Variants in SLC25A21 observed in about 807,000 individuals in gnomAD.
SLC25A21 encodes mitochondrial 2-oxodicarboxylate carrier.
In SLC25A21, 47 loss-of-function variants were observed where a neutral mutation model predicts 43.8. The observed-to-expected ratio is 1.07, with a 90% CI of 0.85 to 1.37. The LOEUF is 1.37. SLC25A21 is among the 40% of genes most tolerant of loss of function. SLC25A21 has a pLI of 0.00. For synonymous variants in SLC25A21, 131 were observed against 121.3 expected (o/e 1.08, Z -0.52); for missense variants, 352 against 350.2 (o/e 1.00, Z -0.04).
chr14:36,789,702 T>TATTTTATATATTTATATATAATAC (rs1181016293), intron 3 of SLC25A21, among the ~76,000 whole-genome samples: 3 of 135,900 alleles, frequency 2.2e-5, no homozygotes, highest in East Asian at 4.0e-4. Flanking sequence ...CACACATATA[T>TATTTTATATATTTATATATAATAC]ATTTTATATA....
intron 1 of SLC25A21, among the ~76,000 whole-genome samples, chr14:36,968,009 A>G (rs1477028483): frequency 6.6e-6 from 1 of 152,228 alleles, no homozygotes. Flanking sequence ...GTTGGGTTAC[A>G]GGCTGAGACT....
rs565895058 is a variant in SLC25A21 at position 36,755,658 on chromosome 14, T to TA, written c.204-21086dup. On this transcript the variant is annotated intron_variant, in intron 3 of 9. Transcript: ENST00000331299. The stretch of plus-strand genomic sequence containing the variant: ...TGACCACTCATTTTCTTCTGGAAAT[T>TA]AAAAAAAATCTATATATATCAAATA... Among the ~76,000 whole-genome samples the TA allele has an allele frequency of 7.2e-5, 11 of 152,236 alleles. No homozygotes were observed. The East Asian group carries it at 9.6e-4, about 13-fold the overall frequency.
At chr14:37,038,643 T>C (rs1225316855) in intron 1 of SLC25A21, among the ~76,000 whole-genome samples, 2 of 152,150 alleles carry the variant, frequency 1.3e-5, no homozygotes, top group East Asian at 1.9e-4. Flanking sequence ...CAGAAGAACA[T>C]TGTTGGGAGG....
At position 36,959,490 on chromosome 14, in the gene SLC25A21, G is replaced by A. The variant is rs538214770; in HGVS notation, c.71-84486C>T. Among the ~76,000 whole-genome samples, 179 of 152,216 alleles carry A rather than the reference G, an allele frequency of 1.2e-3. 1 individual carries two copies. Among genetic ancestry groups the A allele is most frequent in the South Asian group, 2.9e-3 (14 of 4,818 alleles). On this transcript the variant is annotated intron_variant, in intron 1 of 9. Transcript: ENST00000331299. The stretch of plus-strand genomic sequence containing the variant: ...AAATCCGCAAACCTGAGCATGCCCA[G>A]TCCTTGCCCACATTTTCCAGGGCCT...
chr14:36,965,379 T>C (rs1340366039), intron 1 of SLC25A21, among the ~76,000 whole-genome samples: 1 of 152,156 alleles, frequency 6.6e-6, no homozygotes, highest in Non-Finnish European at 1.5e-5. Flanking sequence ...TCAGTGAATC[T>C]TGGTTATAAT....
intron 3 of SLC25A21, among the ~76,000 whole-genome samples, chr14:36,785,978 C>CA (rs1417822726): frequency 1.3e-5 from 2 of 152,082 alleles, no homozygotes; most frequent in African/African-American, 2.4e-5. Flanking sequence ...TTGATAGAAA[C>CA]AAAAAATATG....
intron 1 of SLC25A21, among the ~76,000 whole-genome samples, chr14:37,157,143 GGCCAGGAGTTTGAGACCA>G (rs1455314805): frequency 3.2e-4 from 48 of 152,192 alleles, no homozygotes; most frequent in African/African-American, 1.1e-3. Flanking sequence ...GATTGCTTGG[GGCCAGGAGTTTGAGACCA>G]GCCTGGCCAA....
intron 1 of SLC25A21, among the ~76,000 whole-genome samples, chr14:37,067,826 A>T (rs1247718646): frequency 6.6e-6 from 1 of 152,234 alleles, no homozygotes; most frequent in African/African-American, 2.4e-5. Flanking sequence ...TGAAAATATT[A>T]TGTATATTAT....
chr14:36,879,656 C>A (rs563362927), intron 1 of SLC25A21, among the ~76,000 whole-genome samples: 2 of 152,052 alleles, frequency 1.3e-5, no homozygotes, highest in Non-Finnish European at 2.9e-5. Context: ...TTCGCCTGAG[C>A]CAATATTGGG....
chr14:37,102,981 C>A (rs1198441609), intron 1 of SLC25A21, among the ~76,000 whole-genome samples: 2 of 148,792 alleles, frequency 1.3e-5, no homozygotes, highest in African/African-American at 5.1e-5. Flanking sequence ...CAGAGTGAGA[C>A]TGTGTCTCAA....
intron 2 of SLC25A21, among the ~76,000 whole-genome samples, chr14:36,844,262 C>T (rs1043126978): frequency 2.6e-5 from 4 of 152,186 alleles, no homozygotes; most frequent in East Asian, 1.9e-4. Flanking sequence ...AGAACACATC[C>T]TACCTAATTT....
rs559476817 is a variant in SLC25A21 at position 36,907,321 on chromosome 14, G to A, written c.71-32317C>T. 4.7e-4 allele frequency among the ~76,000 whole-genome samples: 71 copies of A among 152,232 alleles called. 1 individual carries two copies. In the South Asian group the frequency reaches 0.014, roughly 30 times the overall value. On this transcript the variant is annotated intron_variant, in intron 1 of 9. Coordinates refer to ENST00000331299, the MANE Select transcript of SLC25A21 (RefSeq NM_030631.4). ...ATCTGAGAAGAGGCTATGAAGTAAAGAGCATATATTTTTGGCTTGTTTGTT... is the reference window on the plus strand; with the variant it reads ...ATCTGAGAAGAGGCTATGAAGTAAAAAGCATATATTTTTGGCTTGTTTGTT...
At chr14:36,979,444 C>A (rs911732316) in intron 1 of SLC25A21, among the ~76,000 whole-genome samples, 12 of 151,892 alleles carry the variant, frequency 7.9e-5, no homozygotes, top group Admixed American at 7.9e-4. Context: ...CAGCCTCCGC[C>A]TCCTGGGTTC....
intron 2 of SLC25A21, among the ~76,000 whole-genome samples, chr14:36,819,962 G>T (rs1175320840): frequency 6.6e-6 from 1 of 152,078 alleles, no homozygotes; most frequent in Non-Finnish European, 1.5e-5. Flanking sequence ...GTTGGATTGG[G>T]GTAGATGATA....
chr14:36,751,519 GA>G (rs1409067087), intron 3 of SLC25A21, among the ~76,000 whole-genome samples: 2 of 152,152 alleles, frequency 1.3e-5, no homozygotes, highest in Non-Finnish European at 1.5e-5. Flanking sequence ...AAGGACCTGA[GA>G]ATTACGTACT....
At chr14:36,849,743 C>T (rs1889664682) in intron 2 of SLC25A21, among the ~76,000 whole-genome samples, 1 of 152,022 alleles carries the variant, frequency 6.6e-6, no homozygotes, top group South Asian at 2.1e-4. Flanking sequence ...AATCAGTTAC[C>T]CACTGCTTAT....
At chr14:37,135,735 T>C (rs540911720) in intron 1 of SLC25A21, among the ~76,000 whole-genome samples, 4 of 152,296 alleles carry the variant, frequency 2.6e-5, no homozygotes, top group African/African-American at 9.6e-5. Context: ...AATAGTAGAG[T>C]GCTACAATCT....
intron 2 of SLC25A21, among the ~76,000 whole-genome samples, chr14:36,824,060 G>T (rs527858429): frequency 3.3e-4 from 51 of 152,324 alleles, no homozygotes; most frequent in Admixed American, 9.1e-4. Flanking sequence ...CAGGGGCCCA[G>T]TGAAGGAGTC....
chr14:36,995,115 G>A (rs72667354), intron 1 of SLC25A21, among the ~76,000 whole-genome samples: 10,775 of 152,076 alleles, frequency 0.071, 419 homozygotes, highest in Admixed American at 0.082. Flanking sequence ...ATGATGTCTC[G>A]TTATACCTCT....
Sources: allele counts gnomAD v4.1 joint callset (sites outside exome capture counted in the v4.1 genomes callset), GRCh38; gene constraint gnomAD v4.1.1; transcripts MANE v1.5; gene names NCBI Gene and HGNC (gene_info 2026-07-23, HGNC 2026-07-21).